GDAP2: variants seen among roughly 807,000 people sequenced by gnomAD.
The protein encoded by GDAP2 is ganglioside-induced differentiation-associated protein 2.
Under a neutral mutation model 67.0 loss-of-function variants are expected in GDAP2, and 51 were observed. The ratio of observed to expected loss-of-function variants is 0.76; its 90% CI spans 0.61 to 0.96. The LOEUF is 0.96. GDAP2 is among the 40% of genes least tolerant of loss of function. The probability of loss-of-function intolerance (pLI) is 0.00; values close to 1 mark genes in which losing one functional copy is unlikely to be tolerated. For synonymous variants in GDAP2, 203 were observed against 207.3 expected, an observed-to-expected ratio of 0.98 and a Z score of 0.18; for missense variants, 547 against 588.3, an observed-to-expected ratio of 0.93 and a Z score of 0.73.
At chr1:117,891,298 C>A (rs1649076451) in intron 8 of GDAP2, among the ~76,000 whole-genome samples, 2 of 151,458 alleles carry the variant, frequency 1.3e-5, no homozygotes, top group African/African-American at 4.9e-5. Context: ...TGAGTAGGTA[C>A]CAATGAGTGA....
intron 1 of GDAP2, 146 bp downstream of exon 1, chr1:117,929,302 G>C (rs561786104): frequency 6.6e-6 from 1 of 152,364 alleles, no homozygotes; most frequent in African/African-American, 2.4e-5. Context: ...ATGCGAGGAA[G>C]TGGCGCCAGG....
intron 1 of GDAP2, among the ~76,000 whole-genome samples, chr1:117,927,591 G>A (rs1379476607): frequency 6.6e-6 from 1 of 152,146 alleles, no homozygotes; most frequent in Non-Finnish European, 1.5e-5. Flanking sequence ...CAGAGTACAT[G>A]AGGATATGTG....
chr1:117,893,957 T>A (rs184276074), intron 8 of GDAP2, among the ~76,000 whole-genome samples: 14 of 152,266 alleles, frequency 9.2e-5, no homozygotes, highest in Admixed American at 4.6e-4. Flanking sequence ...TAACTTTTTT[T>A]AAAAAAGCTG....
chr1:117,868,756 G>A lies in GDAP2; in HGVS notation c.*1813C>T, dbSNP rs1317914928. ...CAGTGCCCAAGGGGTTAAAAAAAAA[G>A]TACTGTTTGAGAGAAAGCTTAACAT... On this transcript the variant is annotated 3_prime_UTR_variant, in exon 14 of 14. Coordinates refer to ENST00000369443, the MANE Select transcript of GDAP2 (RefSeq NM_017686.4). The A allele has an allele frequency of 2.0e-5, 3 of 152,046 alleles. No individual in the cohort carries two copies. The highest frequency in any genetic ancestry group is 4.4e-5 in the Non-Finnish European group (3 of 68,026). The allele number at this position is 152,046 out of a possible 1,614,324, so 9.4% of individuals were successfully genotyped here.
intron 6 of GDAP2, among the ~76,000 whole-genome samples, chr1:117,903,061 G>A (rs1037542495): frequency 3.3e-5 from 5 of 151,930 alleles, no homozygotes; most frequent in Admixed American, 2.6e-4. Context: ...TTTTGTTTCC[G>A]GATTGGTCAT....
intron 1 of GDAP2, among the ~76,000 whole-genome samples, chr1:117,927,377 T>A (rs1650488051): frequency 6.6e-6 from 1 of 152,152 alleles, no homozygotes; most frequent in South Asian, 2.1e-4. Context: ...AAAAAAAACT[T>A]TTTTTCTGGA....
chr1:117,882,303 T>C (rs112853323), intron 11 of GDAP2, among the ~76,000 whole-genome samples: 6 of 152,254 alleles, frequency 3.9e-5, no homozygotes, highest in African/African-American at 1.4e-4. Context: ...TCTGTTATAA[T>C]AACAATATTA....
Position 117,920,302 on chromosome 1 carries a change from C to T in GDAP2, c.56G>A (p.Trp19Ter), listed in dbSNP as rs1412046229. ...TAATTCATCTTGGCATGAGTCACCC[C>T]AGCTTGGTAGTGTATCCACATCCAC... ...QFVDVDTLPS[W>*]GDSCQDELNS... Residue 19 changes from tryptophan (W) to a stop codon, truncating the protein, a stop_gained, in exon 2 of 14, where the codon TGG becomes TAG. Transcript: ENST00000369443. LOFTEE classifies it high-confidence loss of function. 6.2e-7 allele frequency: 1 copy of T among 1,610,412 alleles called. No individual in the cohort carries two copies. The highest frequency in any genetic ancestry group is 8.5e-7 in the Non-Finnish European group (1 of 1,177,322).
At chr1:117,912,435 G>T in intron 4 of GDAP2, 95 bp downstream of exon 4, 1 of 1,127,878 alleles carries the variant, frequency 8.9e-7, no homozygotes, top group Non-Finnish European at 1.3e-6. Flanking sequence ...CCACTGCTAG[G>T]TTTTTAATCT....
At chr1:117,928,168 C>T (rs1019382553) in intron 1 of GDAP2, among the ~76,000 whole-genome samples, 1 of 151,950 alleles carries the variant, frequency 6.6e-6, no homozygotes, top group African/African-American at 2.4e-5. Flanking sequence ...TGGAACCAGG[C>T]AGAGAAGATA....
intron 3 of GDAP2, among the ~76,000 whole-genome samples, chr1:117,914,684 C>A (rs892273814): frequency 6.6e-6 from 1 of 151,882 alleles, no homozygotes; most frequent in African/African-American, 2.4e-5. Context: ...CAGAAAGAAA[C>A]CAGTAACATA....
intron 6 of GDAP2, among the ~76,000 whole-genome samples, chr1:117,900,780 G>T (rs577248164): frequency 4.9e-4 from 73 of 149,232 alleles, no homozygotes; most frequent in Middle Eastern, 7.3e-3. Context: ...AAAAAAAAAG[G>T]CCGGGCACGG....
chr1:117,923,249 A>G (rs544160382), intron 1 of GDAP2, among the ~76,000 whole-genome samples: 8 of 152,338 alleles, frequency 5.3e-5, no homozygotes, highest in Admixed American at 1.3e-4. Context: ...CTGAGGTGAC[A>G]TACATCCTCA....
chr1:117,901,631 C>T (rs553737223), intron 6 of GDAP2, among the ~76,000 whole-genome samples: 2 of 152,204 alleles, frequency 1.3e-5, no homozygotes, highest in Admixed American at 6.5e-5. Flanking sequence ...TGTGGAGCAC[C>T]TTTTCAGTGT....
rs550257729 is a variant in GDAP2 at position 117,881,991 on chromosome 1, TA to T, written c.1248-115del. ...GTATATAAATATATTCAGAGAAAAA[TA>T]AAGACAGCTATAATTTACAGATTGA... is the stretch of plus-strand genomic sequence containing the variant. On this transcript the variant is annotated intron_variant, in intron 11 of 13. Coordinates refer to ENST00000369443, the MANE Select transcript of GDAP2 (RefSeq NM_017686.4). 3 of 614,528 alleles carry T rather than the reference TA, an allele frequency of 4.9e-6. No homozygotes were observed. In the South Asian group the frequency reaches 6.4e-5, roughly 13 times the overall value. The allele number at this position is 614,528 out of a possible 1,614,324, so 38.1% of individuals were successfully genotyped here.
chr1:117,909,609 G>GT (rs1649780754), intron 5 of GDAP2, among the ~76,000 whole-genome samples: 1 of 152,128 alleles, frequency 6.6e-6, no homozygotes, highest in African/African-American at 2.4e-5. Context: ...CATCTTCTGT[G>GT]TAAGTGTTTG....
intron 10 of GDAP2, among the ~76,000 whole-genome samples, chr1:117,885,840 C>T (rs1281996043): frequency 6.6e-6 from 1 of 151,996 alleles, no homozygotes; most frequent in South Asian, 2.1e-4. Flanking sequence ...AACTGATGTG[C>T]TAGGATTCTC....
At chr1:117,902,610 CACTGACCT>C (rs1649518374) in intron 6 of GDAP2, among the ~76,000 whole-genome samples, 1 of 152,176 alleles carries the variant, frequency 6.6e-6, no homozygotes, top group Non-Finnish European at 1.5e-5. Flanking sequence ...AATTCCATTC[CACTGACCT>C]ATACGTTTAT....
intron 7 of GDAP2, among the ~76,000 whole-genome samples, chr1:117,897,223 C>T (rs1193102694): frequency 6.6e-6 from 1 of 152,178 alleles, no homozygotes. Flanking sequence ...ATCAGGGTGA[C>T]CTGGGTGTAA....
Sources: gnomAD v4.1 joint callset for allele counts (sites outside exome capture counted in the v4.1 genomes callset) on GRCh38, gnomAD v4.1.1 for gene constraint, MANE v1.5 for transcripts, NCBI Gene and HGNC (gene_info 2026-07-23, HGNC 2026-07-21) for gene names.